Variants in CELF4 observed in about 807,000 individuals in gnomAD.
CELF4 encodes CUG-BP- and ETR-3-like factor 4.
CELF4 carries 18 observed loss-of-function variants against 59.9 expected under a neutral mutation model. That is an observed-to-expected ratio of 0.30 (90% CI 0.21 to 0.45). The LOEUF is 0.45. Ranked by LOEUF, CELF4 falls within the 20% of genes least tolerant of loss-of-function variation. The probability of loss-of-function intolerance (pLI) is 1.00; values close to 1 mark genes in which losing one functional copy is unlikely to be tolerated. For synonymous variants in CELF4, 261 were observed against 267.1 expected, an observed-to-expected ratio of 0.98 and a Z score of 0.22; for missense variants, 456 against 689.0, an observed-to-expected ratio of 0.66 and a Z score of 3.79.
At chr18:37,493,472 A>G (rs912016268) in intron 1 of CELF4, among the ~76,000 whole-genome samples, 2 of 152,208 alleles carry the variant, frequency 1.3e-5, no homozygotes, top group Non-Finnish European at 2.9e-5. Context: ...CGTAGAATGC[A>G]GAGATTGCTG....
intron 3 of CELF4, among the ~76,000 whole-genome samples, chr18:37,297,342 C>G (rs1110008): frequency 0.15 from 22,196 of 152,140 alleles, 2,047 homozygotes; most frequent in African/African-American, 0.26. Flanking sequence ...TCAGAATTCT[C>G]TTTTAAAATG....
intron 1 of CELF4, among the ~76,000 whole-genome samples, chr18:37,506,084 C>T (rs1020545889): frequency 4.7e-5 from 7 of 150,438 alleles, no homozygotes; most frequent in Admixed American, 6.6e-5. Flanking sequence ...CCCCCAACGC[C>T]GCCCCCCTGT....
intron 2 of CELF4, among the ~76,000 whole-genome samples, chr18:37,341,285 G>C: frequency 6.6e-6 from 1 of 152,204 alleles, no homozygotes; most frequent in East Asian, 1.9e-4. Context: ...ATCCCAGAGG[G>C]GCAGACTGGG....
intron 3 of CELF4, among the ~76,000 whole-genome samples, chr18:37,314,591 TA>T (rs1479661448): frequency 6.6e-6 from 1 of 151,836 alleles, no homozygotes; most frequent in African/African-American, 2.4e-5. Flanking sequence ...TAGGGGAACA[TA>T]AAAGATGTTC....
intron 3 of CELF4, among the ~76,000 whole-genome samples, chr18:37,319,323 C>T (rs1386814101): frequency 1.3e-5 from 2 of 152,240 alleles, no homozygotes; most frequent in Admixed American, 6.5e-5. Context: ...GGGCCCCTCA[C>T]GCCTGAAGCA....
At chr18:37,390,158 G>C (rs1336146824) in intron 2 of CELF4, among the ~76,000 whole-genome samples, 4 of 152,244 alleles carry the variant, frequency 2.6e-5, no homozygotes, top group Non-Finnish European at 4.4e-5. Flanking sequence ...ACATGCTGTA[G>C]GTGGCATATG....
intron 2 of CELF4, among the ~76,000 whole-genome samples, chr18:37,410,775 C>A (rs2099441667): frequency 6.6e-6 from 1 of 152,192 alleles, no homozygotes; most frequent in African/African-American, 2.4e-5. Context: ...GGAGGGCACA[C>A]AAGCAGCCTG....
intron 2 of CELF4, among the ~76,000 whole-genome samples, chr18:37,363,225 T>C (rs1031653506): frequency 4.7e-4 from 71 of 152,160 alleles, no homozygotes; most frequent in African/African-American, 1.5e-3. Flanking sequence ...TGAGTAGGCT[T>C]TCATGCTCAA....
At chr18:37,481,869 G>A (rs548589989) in intron 2 of CELF4, among the ~76,000 whole-genome samples, 47 of 152,280 alleles carry the variant, frequency 3.1e-4, no homozygotes, top group African/African-American at 1.1e-3. Flanking sequence ...GTCCTGGCTC[G>A]GCCACTTATC....
At chr18:37,519,373 A>T (rs1349441841) in intron 1 of CELF4, among the ~76,000 whole-genome samples, 1 of 152,050 alleles carries the variant, frequency 6.6e-6, no homozygotes, top group Non-Finnish European at 1.5e-5. Flanking sequence ...AAGTGTGCTC[A>T]AGGATGGCGT....
chr18:37,355,415 G>A (rs1293664480), intron 2 of CELF4, among the ~76,000 whole-genome samples: 1 of 152,142 alleles, frequency 6.6e-6, no homozygotes, highest in Non-Finnish European at 1.5e-5. Context: ...GCTAACGTCT[G>A]TAATCCCAGA....
At chr18:37,456,468 C>T (rs113653618) in intron 2 of CELF4, among the ~76,000 whole-genome samples, 157 of 152,252 alleles carry the variant, frequency 1.0e-3, no homozygotes, top group African/African-American at 3.7e-3. Context: ...CCTGCTCCGT[C>T]CAGCCCTGCA....
chr18:37,247,294 TTGAA>T (rs1160730754), intron 12 of CELF4: 1 of 150,600 alleles, frequency 6.6e-6, no homozygotes, highest in Non-Finnish European at 1.5e-5. Context: ...TGGAATTTGA[TTGAA>T]TGACAAAAGA....
intron 1 of CELF4, among the ~76,000 whole-genome samples, chr18:37,504,319 C>T (rs1051497943): frequency 3.9e-5 from 6 of 151,938 alleles, no homozygotes; most frequent in Non-Finnish European, 8.8e-5. Context: ...GGTGAAACCC[C>T]GTCTCTACTA....
intron 3 of CELF4, among the ~76,000 whole-genome samples, chr18:37,303,739 G>C (rs562233480): frequency 4.5e-4 from 68 of 152,342 alleles, no homozygotes; most frequent in African/African-American, 1.6e-3. Flanking sequence ...TCCCAGGCTA[G>C]CCTTGTGGGC....
intron 3 of CELF4, among the ~76,000 whole-genome samples, chr18:37,302,441 A>C (rs192953413): frequency 2.0e-5 from 3 of 152,340 alleles, no homozygotes; most frequent in Admixed American, 2.0e-4. Flanking sequence ...CGCCCCCAAC[A>C]TCAGCCAGCA....
chr18:37,441,125 T>C (rs2099713138), intron 2 of CELF4, among the ~76,000 whole-genome samples: 1 of 152,214 alleles, frequency 6.6e-6, no homozygotes, highest in South Asian at 2.1e-4. Flanking sequence ...GGACATCCAC[T>C]GAAGGAAGGC....
At chr18:37,316,760 C>G (rs1476716655) in intron 3 of CELF4, among the ~76,000 whole-genome samples, 5 of 152,114 alleles carry the variant, frequency 3.3e-5, no homozygotes, top group Non-Finnish European at 5.9e-5. Flanking sequence ...ATGAGTAGGT[C>G]TGGGAGCTCC....
chr18:37,501,690 C>A (rs1417355868), intron 1 of CELF4, among the ~76,000 whole-genome samples: 1 of 152,174 alleles, frequency 6.6e-6, no homozygotes, highest in African/African-American at 2.4e-5. Flanking sequence ...GGAGGCTGGG[C>A]AGGCTGCCTG....
Sources: gnomAD v4.1 joint callset for allele counts (sites outside exome capture counted in the v4.1 genomes callset) on GRCh38, gnomAD v4.1.1 for gene constraint, MANE v1.5 for transcripts, NCBI Gene and HGNC (gene_info 2026-07-23, HGNC 2026-07-21) for gene names.